Variants in LCORL observed in about 807,000 individuals in gnomAD.
LCORL encodes the protein ligand dependent nuclear receptor corepressor like.
A neutral mutation model predicts 141.8 loss-of-function variants in LCORL; 41 were observed. That is an observed-to-expected ratio of 0.29 (90% CI 0.23 to 0.38). LCORL has a LOEUF of 0.38. Ranked by LOEUF, LCORL falls within the 10% of genes least tolerant of loss-of-function variation. The pLI is 1.00. For missense variants in LCORL, 1,759 were observed against 2,035.0 expected (o/e 0.86, Z 2.61); for synonymous variants, 618 against 694.1 (o/e 0.89, Z 1.72).
chr4:17,845,484 T>A, exon 8 of LCORL: 1 of 349,706 alleles, frequency 2.9e-6, no homozygotes, highest in Non-Finnish European at 5.2e-6. Flanking sequence ...GCATAAAAAA[T>A]TCACATAATA....
chr4:17,979,142 G>A (rs1038778945), intron 1 of LCORL, among the ~76,000 whole-genome samples: 1 of 152,018 alleles, frequency 6.6e-6, no homozygotes, highest in African/African-American at 2.4e-5. Flanking sequence ...GTGAGAACAT[G>A]CGGTGTTTGG....
intron 7 of LCORL, among the ~76,000 whole-genome samples, chr4:17,858,008 C>A (rs956681747): frequency 6.6e-6 from 1 of 151,954 alleles, no homozygotes; most frequent in African/African-American, 2.4e-5. Flanking sequence ...CATATATGAT[C>A]CATAATAAGG....
At chr4:17,873,346 C>A in intron 7 of LCORL, 42 bp downstream of exon 7, 1 of 1,159,252 alleles carries the variant, frequency 8.6e-7, no homozygotes, top group Non-Finnish European at 1.1e-6. Context: ...TTACTCAAGG[C>A]ACCTACAATG....
chr4:17,842,157 T>TA, exon 8 of LCORL: 6 of 586,362 alleles, frequency 1.0e-5, no homozygotes, highest in Middle Eastern at 6.2e-4. Context: ...GTGGCAGTGA[T>TA]AACTGGTACC....
intron 4 of LCORL, among the ~76,000 whole-genome samples, chr4:17,930,273 A>C (rs1207929112): frequency 6.6e-6 from 1 of 152,158 alleles, no homozygotes; most frequent in Non-Finnish European, 1.5e-5. Flanking sequence ...GAGGCTGAGA[A>C]CCGAAGACTG....
chr4:17,968,600 C>T (rs934395048), intron 2 of LCORL, among the ~76,000 whole-genome samples: 5 of 152,124 alleles, frequency 3.3e-5, no homozygotes, highest in Non-Finnish European at 7.3e-5. Context: ...AGTCAGGGGT[C>T]AGCAAACCTT....
chr4:17,866,932 A>G, intron 7 of LCORL: 1 of 962,022 alleles, frequency 1.0e-6, no homozygotes, highest in Non-Finnish European at 1.2e-6. Flanking sequence ...TGAGGCATTG[A>G]AACCAATCTC....
chr4:17,942,880 T>C (rs1226876664), intron 4 of LCORL, among the ~76,000 whole-genome samples: 2 of 90,684 alleles, frequency 2.2e-5, no homozygotes, highest in East Asian at 5.2e-4. Context: ...ACCGCCTGAG[T>C]TTGCCTCCTG....
At chr4:17,940,967 G>A (rs1390309751) in intron 4 of LCORL, among the ~76,000 whole-genome samples, 1 of 152,180 alleles carries the variant, frequency 6.6e-6, no homozygotes, top group Non-Finnish European at 1.5e-5. Context: ...TTCACTTCTT[G>A]TAACTGTGAG....
At chr4:17,994,803 T>C (rs1223810961) in intron 1 of LCORL, among the ~76,000 whole-genome samples, 2 of 138,720 alleles carry the variant, frequency 1.4e-5, no homozygotes, top group African/African-American at 6.2e-5. Flanking sequence ...TAAATGTTAA[T>C]TTATGTGATT....
intron 1 of LCORL, among the ~76,000 whole-genome samples, chr4:18,011,301 T>C (rs954492033): frequency 1.3e-5 from 2 of 152,188 alleles, no homozygotes; most frequent in African/African-American, 4.8e-5. Flanking sequence ...CCAGTTTTGA[T>C]TTAAAAGGGC....
intron 2 of LCORL, among the ~76,000 whole-genome samples, chr4:17,970,960 A>G (rs1715814494): frequency 6.6e-6 from 1 of 152,200 alleles, no homozygotes; most frequent in South Asian, 2.1e-4. Flanking sequence ...CTAGCATTAC[A>G]CATATAATAT....
At chr4:17,925,222 A>G (rs1446024256) in intron 4 of LCORL, among the ~76,000 whole-genome samples, 4 of 152,248 alleles carry the variant, frequency 2.6e-5, no homozygotes, top group African/African-American at 9.6e-5. Context: ...TGACTGACCC[A>G]GACAAACTAT....
chr4:17,981,938 CCT>C (rs1718060962), intron 1 of LCORL, among the ~76,000 whole-genome samples: 1 of 152,022 alleles, frequency 6.6e-6, no homozygotes, highest in Non-Finnish European at 1.5e-5. Flanking sequence ...CTGTTGCTCC[CCT>C]CTTTGAATCC....
At chr4:17,874,486 A>C (rs985811656) in exon 7 of LCORL, 3 of 1,233,876 alleles carry the variant, frequency 2.4e-6, no homozygotes, top group Non-Finnish European at 2.0e-6. Context: ...AGTTCATTCA[A>C]ATCATACTTT....
At chr4:17,887,906 AC>A (rs1311189061) in intron 5 of LCORL, among the ~76,000 whole-genome samples, 1 of 151,460 alleles carries the variant, frequency 6.6e-6, no homozygotes, top group African/African-American at 2.4e-5. Context: ...TCTCCTCCTG[AC>A]CCCCGCCTCA....
rs183103789 is a variant in LCORL at position 17,920,660 on chromosome 4, C to G, written c.431-11315G>C. Among the ~76,000 whole-genome samples, 108 of 152,302 alleles carry G rather than the reference C, an allele frequency of 7.1e-4. 1 individual carries two copies. The highest frequency in any genetic ancestry group is 2.5e-3 in the African/African-American group (104 of 41,554). On this transcript the variant is annotated intron_variant, in intron 4 of 7. Coordinates refer to ENST00000635767, the Ensembl canonical transcript of LCORL. ...AAAATTGGAGTTAATCCTCTCAAAC[C>G]CTGCCACTCCTTTATCAACTAAGTT...
At chr4:17,886,504 A>C (rs1017268952) in intron 5 of LCORL, among the ~76,000 whole-genome samples, 1 of 152,070 alleles carries the variant, frequency 6.6e-6, no homozygotes, top group Non-Finnish European at 1.5e-5. Flanking sequence ...AAAGCTGCCC[A>C]GATAATGCTT....
chr4:17,998,833 T>G (rs1383990473), intron 1 of LCORL, among the ~76,000 whole-genome samples: 1 of 150,964 alleles, frequency 6.6e-6, no homozygotes, highest in Non-Finnish European at 1.5e-5. Context: ...GGCATGGTTG[T>G]GCACATCGGG....
Sources: gnomAD v4.1 joint callset for allele counts (sites outside exome capture counted in the v4.1 genomes callset) on GRCh38, gnomAD v4.1.1 for gene constraint, MANE v1.5 for transcripts, NCBI Gene and HGNC (gene_info 2026-07-23, HGNC 2026-07-21) for gene names.